TTC28: variants seen among roughly 807,000 people sequenced by gnomAD.
TTC28 encodes tetratricopeptide repeat protein 28.
TTC28 carries 61 observed loss-of-function variants against 198.0 expected under a neutral mutation model. The ratio of observed to expected loss-of-function variants is 0.31; its 90% CI spans 0.25 to 0.38. The LOEUF is 0.38. Ranked by LOEUF, TTC28 falls within the 10% of genes least tolerant of loss-of-function variation. TTC28 has a pLI of 1.00. For missense variants in TTC28, 2,678 were observed against 3,164.0 expected, an observed-to-expected ratio of 0.85 and a Z score of 3.69; for synonymous variants, 1,171 against 1,297.8, an observed-to-expected ratio of 0.90 and a Z score of 2.10.
chr22:28,044,071 A>G (rs1939768441), intron 12 of TTC28, among the ~76,000 whole-genome samples: 1 of 152,170 alleles, frequency 6.6e-6, no homozygotes, highest in South Asian at 2.1e-4. Context: ...CCCTTCCAGC[A>G]TTTGCTGTTG....
intron 2 of TTC28, among the ~76,000 whole-genome samples, chr22:28,587,969 G>A (rs1050566372): frequency 7.3e-5 from 11 of 151,472 alleles, no homozygotes; most frequent in African/African-American, 1.9e-4. Context: ...GTGAAACCCC[G>A]TCTCTAATAA....
At chr22:28,288,466 T>C (rs1440547485) in intron 5 of TTC28, among the ~76,000 whole-genome samples, 1 of 152,138 alleles carries the variant, frequency 6.6e-6, no homozygotes, top group African/African-American at 2.4e-5. Context: ...AGCATTTTTA[T>C]AACAGCCCCA....
At chr22:28,192,117 C>T (rs1601452860) in intron 5 of TTC28, among the ~76,000 whole-genome samples, 1 of 152,190 alleles carries the variant, frequency 6.6e-6, no homozygotes, top group African/African-American at 2.4e-5. Flanking sequence ...CAGGCAGCAA[C>T]ATTTGCTGTT....
rs147694832 is a variant in TTC28 at position 28,532,278 on chromosome 22, C to A, written c.381+97274G>T. On this transcript the variant is annotated intron_variant, in intron 2 of 22. Coordinates refer to ENST00000397906, the MANE Select transcript of TTC28 (RefSeq NM_001145418.2). ...CTACCATCAGAGAATATTATAAACA[C>A]CTCTATGCAAATAAACTAAAAAGTC... Among the ~76,000 whole-genome samples the A allele has an allele frequency of 1.8e-3, 272 of 152,266 alleles. 3 individuals carry two copies. Among genetic ancestry groups the A allele is most frequent in the African/African-American group, 6.3e-3 (261 of 41,550 alleles).
intron 6 of TTC28, among the ~76,000 whole-genome samples, chr22:28,139,434 C>T (rs5752700): frequency 5.3e-5 from 8 of 152,042 alleles, no homozygotes; most frequent in Admixed American, 1.3e-4. Flanking sequence ...AATCATTGTT[C>T]TTATTATTTT....
Position 28,108,207 on chromosome 22 carries a change from T to C in TTC28, c.1638A>G (p.Glu546=), listed in dbSNP as rs955599941. ...YHRQELQISM[E]VNDRASQAST... is the part of the protein sequence containing the mutation. ...AGGCCTGTGAGGCGCGGTCATTCAC[T>C]TCCATGGAGATCTGCAGCTCCTGCC... Residue 546 remains glutamate, a synonymous_variant, in exon 7 of 23, where the codon GAA becomes GAG. Transcript: ENST00000397906. The C allele has an allele frequency of 6.4e-7, 1 of 1,551,530 alleles. No homozygotes were observed. Among genetic ancestry groups the C allele is most frequent in the Non-Finnish European group, 8.7e-7 (1 of 1,146,856 alleles).
At chr22:28,309,254 T>C (rs993960044) in intron 2 of TTC28, among the ~76,000 whole-genome samples, 3 of 152,236 alleles carry the variant, frequency 2.0e-5, no homozygotes, top group African/African-American at 7.2e-5. Context: ...TTAAATATTT[T>C]AGCATTCAAT....
At chr22:28,552,273 G>C (rs1053443128) in intron 2 of TTC28, among the ~76,000 whole-genome samples, 3 of 152,154 alleles carry the variant, frequency 2.0e-5, no homozygotes, top group African/African-American at 7.2e-5. Context: ...TCATGGATGA[G>C]TAGAATCAAT....
At chr22:27,992,511 T>C in intron 19 of TTC28, 76 bp downstream of exon 19, 1 of 1,467,592 alleles carries the variant, frequency 6.8e-7, no homozygotes, top group South Asian at 1.3e-5. Context: ...AGGTTCCTAT[T>C]TAGGGCCAAG....
intron 5 of TTC28, among the ~76,000 whole-genome samples, chr22:28,186,690 C>A: frequency 6.6e-6 from 1 of 152,122 alleles, no homozygotes; most frequent in Middle Eastern, 3.2e-3. Flanking sequence ...TGTAGTTTTA[C>A]GGAAACCTCA....
chr22:28,374,544 G>C, intron 2 of TTC28, among the ~76,000 whole-genome samples: 1 of 152,184 alleles, frequency 6.6e-6, no homozygotes, highest in East Asian at 1.9e-4. Context: ...CCAAATCACT[G>C]ATCTAGTTGT....
intron 2 of TTC28, among the ~76,000 whole-genome samples, chr22:28,335,574 C>A (rs2045698732): frequency 6.6e-6 from 1 of 152,000 alleles, no homozygotes; most frequent in African/African-American, 2.4e-5. Flanking sequence ...AGTTGGATTC[C>A]TAGGTATTTT....
At chr22:28,646,857 C>CT (rs1275917569) in intron 1 of TTC28, among the ~76,000 whole-genome samples, 2 of 151,938 alleles carry the variant, frequency 1.3e-5, no homozygotes, top group Admixed American at 1.3e-4. Context: ...GAACGAAACT[C>CT]TGTCGAAAGA....
chr22:28,645,499 C>A (rs976599218), intron 1 of TTC28, among the ~76,000 whole-genome samples: 10 of 151,662 alleles, frequency 6.6e-5, no homozygotes, highest in Non-Finnish European at 1.0e-4. Flanking sequence ...TGGTGGCATG[C>A]GCCTGTAGTC....
At chr22:28,536,804 T>C (rs980025976) in intron 2 of TTC28, among the ~76,000 whole-genome samples, 1 of 151,980 alleles carries the variant, frequency 6.6e-6, no homozygotes, top group African/African-American at 2.4e-5. Flanking sequence ...AATTAGGCAA[T>C]TGGATTTCAA....
chr22:28,598,848 C>T (rs2050588435), intron 2 of TTC28, among the ~76,000 whole-genome samples: 1 of 152,086 alleles, frequency 6.6e-6, no homozygotes, highest in Admixed American at 6.6e-5. Flanking sequence ...CACTTTATTC[C>T]CATCGCATTA....
intron 1 of TTC28, among the ~76,000 whole-genome samples, chr22:28,641,637 C>T (rs992963078): frequency 6.6e-6 from 1 of 152,000 alleles, no homozygotes; most frequent in African/African-American, 2.4e-5. Flanking sequence ...GAATTGTATA[C>T]TTTAAAATGG....
intron 2 of TTC28, among the ~76,000 whole-genome samples, chr22:28,511,755 T>G (rs1377740418): frequency 6.6e-6 from 1 of 151,316 alleles, no homozygotes; most frequent in East Asian, 1.9e-4. Flanking sequence ...GAGGTGGAGG[T>G]TGCAGTGAGC....
At chr22:28,123,991 G>T (rs1324495959) in intron 6 of TTC28, among the ~76,000 whole-genome samples, 1 of 151,870 alleles carries the variant, frequency 6.6e-6, no homozygotes, top group Admixed American at 6.6e-5. Flanking sequence ...TCCAAAAAAA[G>T]AAAAAATATA....
Sources: allele counts gnomAD v4.1 joint callset (sites outside exome capture counted in the v4.1 genomes callset), GRCh38; gene constraint gnomAD v4.1.1; transcripts MANE v1.5; gene names NCBI Gene and HGNC (gene_info 2026-07-23, HGNC 2026-07-21).